CD33: variants seen among roughly 807,000 people sequenced by gnomAD.
CD33 encodes the protein CD33 molecule, also known as myeloid cell surface antigen CD33.
Under a neutral mutation model 31.4 loss-of-function variants are expected in CD33, and 25 were observed. The ratio of observed to expected loss-of-function variants is 0.80; its 90% CI spans 0.58 to 1.11. The LOEUF is 1.11. Ranked by LOEUF, CD33 falls within the 50% of genes most tolerant of loss-of-function variation. CD33 has a pLI of 0.00. For missense variants in CD33, 407 were observed against 448.1 expected, an observed-to-expected ratio of 0.91 and a Z score of 0.83; for synonymous variants, 176 against 180.6, an observed-to-expected ratio of 0.97 and a Z score of 0.20.
At chr19:51,211,182 C>T in the CD33 span, 17 of 1,582,340 alleles carry the variant, frequency 1.1e-5, no homozygotes, top group South Asian at 1.9e-4. Flanking sequence ...TCGGGCTGGG[C>T]CGAGCTGACC....
At chr19:51,212,477 G>T in the CD33 span, among the ~76,000 whole-genome samples, 1 of 151,812 alleles carries the variant, frequency 6.6e-6, no homozygotes, top group African/African-American at 2.4e-5. Context: ...GTGAACCAAG[G>T]CCCCATTCCC....
At chr19:51,221,245 AT>A (rs1980674883), upstream of CD33, among the ~76,000 whole-genome samples, 2 of 152,164 alleles carry the variant, frequency 1.3e-5, no homozygotes, top group Admixed American at 1.3e-4. Flanking sequence ...TCAGTCTCAG[AT>A]ATTCCTCTAT....
At chr19:51,220,850 G>A (rs1232025132), upstream of CD33, among the ~76,000 whole-genome samples, 5 of 152,054 alleles carry the variant, frequency 3.3e-5, no homozygotes, top group Non-Finnish European at 7.3e-5. Flanking sequence ...CATGTAACGC[G>A]TATTTATGGG....
Position 51,235,220 on chromosome 19 carries a change from T to C in CD33, c.809T>C (p.Leu270Pro), listed in dbSNP as rs753956952. 1.2e-6 allele frequency: 2 copies of C among 1,614,068 alleles called. No individual in the cohort carries two copies. Among genetic ancestry groups the C allele is most frequent in the African/African-American group, 2.7e-5 (2 of 74,926 alleles). The change falls in exon 5 of 7, where the codon CTG becomes CCG. Residue 270 changes from leucine to proline, a missense_variant. Physicochemically the swap from Leu to Pro is moderately conservative, Grantham distance 98. Transcript: ENST00000262262. ...GAIGGAGVTA[L>P]LALCLCLIFF... ...ATTGGAGGAGCTGGTGTTACAGCCC[T>C]GCTCGCTCTTTGTCTCTGCCTCATC...
At chr19:51,220,290 C>T (rs273637), upstream of CD33, among the ~76,000 whole-genome samples, 2 of 152,178 alleles carry the variant, frequency 1.3e-5, no homozygotes, top group African/African-American at 2.4e-5. Flanking sequence ...AGTTCCTCTC[C>T]ATGTTTTGAA....
At chr19:51,223,547 ATAT>A (rs1252558243), upstream of CD33, among the ~76,000 whole-genome samples, 1 of 152,212 alleles carries the variant, frequency 6.6e-6, no homozygotes, top group African/African-American at 2.4e-5. Flanking sequence ...TTGTCTGGAA[ATAT>A]TATGTCTTTG....
intron 4 of CD33, among the ~76,000 whole-genome samples, chr19:51,228,811 C>G (rs902488483): frequency 6.6e-6 from 1 of 152,182 alleles, no homozygotes; most frequent in African/African-American, 2.4e-5. Context: ...TGAGCCACCA[C>G]GCCTGGCCAA....
At chr19:51,214,032 G>C in the CD33 span, among the ~76,000 whole-genome samples, 1,064 of 148,856 alleles carry the variant, frequency 7.1e-3, 9 homozygotes, top group African/African-American at 0.026. Flanking sequence ...GATAATTTTC[G>C]TATTTTTAGT....
In CD33 at chr19:51,235,693, C is replaced by T. The variant is rs754792639; in HGVS notation, c.924+17C>T. 5 of 1,603,870 alleles carry T rather than the reference C, an allele frequency of 3.1e-6. No homozygotes were observed. The highest frequency in any genetic ancestry group is 1.3e-5 in the African/African-American group (1 of 74,746). ...GCCTCCCCGGTGAGTGATGGGGCATCCTGGCATCCAGTCTGTCCTGCAGAC... is the reference window on the plus strand; with the variant it reads ...GCCTCCCCGGTGAGTGATGGGGCATTCTGGCATCCAGTCTGTCCTGCAGAC... On this transcript the variant is annotated intron_variant, in intron 6 of 6. Coordinates refer to ENST00000262262, the MANE Select transcript of CD33 (RefSeq NM_001772.4).
the CD33 span, among the ~76,000 whole-genome samples, chr19:51,219,081 G>C: frequency 6.6e-6 from 1 of 152,042 alleles, no homozygotes; most frequent in Non-Finnish European, 1.5e-5. Context: ...ATTTTGATAG[G>C]AATTGCATTG....
upstream of CD33, among the ~76,000 whole-genome samples, chr19:51,223,012 A>C (rs956355058): frequency 5.9e-5 from 9 of 152,134 alleles, no homozygotes; most frequent in African/African-American, 1.9e-4. Flanking sequence ...CCAGGAGTTC[A>C]AGATCAGCCT....
At chr19:51,232,087 A>G (rs1468750248) in intron 4 of CD33, among the ~76,000 whole-genome samples, 2 of 152,248 alleles carry the variant, frequency 1.3e-5, no homozygotes, top group Non-Finnish European at 1.5e-5. Flanking sequence ...TTGTAAGGCC[A>G]GTCTAAGAGT....
In CD33 at chr19:51,225,830, T is replaced by C; in HGVS notation, c.446T>C (p.Ile149Thr). The change falls in exon 3 of 7, where the codon ATC (isoleucine) becomes ACC (threonine). Residue 149 changes from isoleucine (I) to threonine (T), a missense_variant. Coordinates refer to ENST00000262262, the MANE Select transcript of CD33 (RefSeq NM_001772.4). ...TDLTHRPKILIPGTLEPGHSK... is the reference protein window; with the variant it reads ...TDLTHRPKILTPGTLEPGHSK... ...TTGACCCACAGGCCCAAAATCCTCA[T>C]CCCTGGCACTCTAGAACCCGGCCAC... 1 of 1,613,842 alleles carries C rather than the reference T, an allele frequency of 6.2e-7. No individual in the cohort carries two copies. Among genetic ancestry groups the C allele is most frequent in the Non-Finnish European group, 8.5e-7 (1 of 1,179,912 alleles).
At chr19:51,236,879 C>A in intron 6 of CD33, 1 of 152,494 alleles carries the variant, frequency 6.6e-6, no homozygotes. Flanking sequence ...CTCTCCAGAA[C>A]ATTAGCATCA....
At chr19:51,222,860 G>A (rs1980749961), upstream of CD33, among the ~76,000 whole-genome samples, 2 of 152,164 alleles carry the variant, frequency 1.3e-5, no homozygotes, top group African/African-American at 4.8e-5. Context: ...AAGAAACACA[G>A]TAAGACTCAC....
rs778218993 is a variant in CD33 at position 51,239,700 on chromosome 19, G to A, written c.*12G>A. 1.2e-6 allele frequency: 2 copies of A among 1,602,012 alleles called. No homozygotes were observed. Among genetic ancestry groups the A allele is most frequent in the South Asian group, 2.2e-5 (2 of 89,222 alleles). On this transcript the variant is annotated 3_prime_UTR_variant, in exon 7 of 7. Transcript: ENST00000262262. ...TCAGGACCCAGTGAGGAACCCACAA[G>A]AGCATCAGGCTCAGCTAGAAGATCC...
the CD33 span, among the ~76,000 whole-genome samples, chr19:51,216,649 A>G: frequency 6.6e-6 from 1 of 150,500 alleles, no homozygotes; most frequent in Non-Finnish European, 1.5e-5. Context: ...CAGAGGTTGC[A>G]GTGCGAGACT....
chr19:51,215,580 C>T, the CD33 span, among the ~76,000 whole-genome samples: 1 of 152,160 alleles, frequency 6.6e-6, no homozygotes, highest in African/African-American at 2.4e-5. Flanking sequence ...GACGTCTCAC[C>T]CTCCAATATC....
chr19:51,235,509 C>T (rs1283467383), intron 5 of CD33, 86 bp from the exon 6 acceptor site: 3 of 1,499,362 alleles, frequency 2.0e-6, no homozygotes, highest in Non-Finnish European at 2.7e-6. Context: ...CACCCTTTAC[C>T]TGCCAAAGTC....
Sources: gnomAD v4.1 joint callset for allele counts (sites outside exome capture counted in the v4.1 genomes callset) on GRCh38, gnomAD v4.1.1 for gene constraint, MANE v1.5 for transcripts, NCBI Gene and HGNC (gene_info 2026-07-23, HGNC 2026-07-21) for gene names.